The following SVIL variants were observed in gnomAD, a reference collection of about 807,000 sequenced individuals.
SVIL encodes archvillin.
Under a neutral mutation model 240.4 loss-of-function variants are expected in SVIL, and 101 were observed. The observed-to-expected ratio is 0.42, with a 90% confidence interval of 0.36 to 0.50. The LOEUF (loss-of-function observed/expected upper bound fraction) is 0.50. Among genes scored for constraint, SVIL ranks in the 20% least tolerant of loss-of-function variants. The pLI, the probability that SVIL is intolerant of heterozygous loss-of-function variation, is 0.01. For missense variants in SVIL, 2,512 were observed against 2,818.7 expected (o/e 0.89, Z 2.46); for synonymous variants, 999 against 1,100.0 (o/e 0.91, Z 1.82).
At chr10:29,720,916 G>A (rs1056955927) in intron 1 of SVIL, among the ~76,000 whole-genome samples, 11 of 152,216 alleles carry the variant, frequency 7.2e-5, no homozygotes, top group Admixed American at 1.3e-4. Context: ...GTGTGATCTC[G>A]TCTCACTGCA....
intron 3 of SVIL, among the ~76,000 whole-genome samples, chr10:29,654,956 A>T (rs999610729): frequency 1.3e-5 from 2 of 152,124 alleles, no homozygotes; most frequent in African/African-American, 4.8e-5. Flanking sequence ...TTGGACAGTG[A>T]TCACCCACAT....
At chr10:29,533,489 A>C in intron 7 of SVIL, 31 bp from the exon 8 acceptor site, 1 of 1,588,842 alleles carries the variant, frequency 6.3e-7, no homozygotes, top group East Asian at 2.2e-5. Context: ...TTAAGTTGCA[A>C]AGTGCAGTAA....
intron 22 of SVIL, among the ~76,000 whole-genome samples, chr10:29,490,303 A>G (rs1404447804): frequency 6.6e-6 from 1 of 152,224 alleles, no homozygotes; most frequent in Non-Finnish European, 1.5e-5. Context: ...ATAAGAGATC[A>G]AATAACTCTT....
intron 1 of SVIL, among the ~76,000 whole-genome samples, chr10:29,585,086 CTTT>C (rs111923900): frequency 2.7e-5 from 4 of 145,482 alleles, no homozygotes; most frequent in Non-Finnish European, 3.0e-5. Context: ...ATTCTTCTTC[CTTT>C]TTTTTTTTTT....
At position 29,467,947 on chromosome 10, in the gene SVIL, T is replaced by G. The variant is rs555871162; in HGVS notation, c.5844-72A>C. Reference sequence around the variant, plus strand: ...TGGTGACCCAAAATTATTATTACTATTATGATAACAGCTTTATAATAGCTT... The same window carrying G: ...TGGTGACCCAAAATTATTATTACTAGTATGATAACAGCTTTATAATAGCTT... On this transcript the variant is annotated intron_variant, in intron 32 of 37. Transcript: ENST00000355867. The G allele has an allele frequency of 7.4e-6, 11 of 1,496,472 alleles. No homozygotes were observed. The East Asian group carries it at 1.8e-4, about 25-fold the overall frequency. The allele number at this position is 1,496,472 out of a possible 1,614,324, so 92.7% of individuals were successfully genotyped here.
chr10:29,576,579 C>T (rs1476566046), intron 1 of SVIL, among the ~76,000 whole-genome samples: 6 of 152,166 alleles, frequency 3.9e-5, no homozygotes, highest in Admixed American at 2.6e-4. Context: ...ATATCTTTTT[C>T]TGTCACCCAG....
intron 1 of SVIL, among the ~76,000 whole-genome samples, chr10:29,629,283 A>C (rs1030069823): frequency 6.6e-6 from 1 of 150,842 alleles, no homozygotes; most frequent in Admixed American, 6.6e-5. Context: ...GCCTTGAAAG[A>C]CTCCTTCTCC....
chr10:29,584,988 A>C (rs2132777514), intron 1 of SVIL, among the ~76,000 whole-genome samples: 1 of 152,204 alleles, frequency 6.6e-6, no homozygotes, highest in East Asian at 1.9e-4. Context: ...TGAAGCCTCG[A>C]CTTCGGGTTT....
intron 1 of SVIL, among the ~76,000 whole-genome samples, chr10:29,587,393 G>T (rs1956214024): frequency 6.6e-6 from 1 of 152,250 alleles, no homozygotes; most frequent in African/African-American, 2.4e-5. Flanking sequence ...CAATCTGCAG[G>T]TTGACGGGTG....
chr10:29,549,040 T>A (rs1952961156), intron 6 of SVIL, among the ~76,000 whole-genome samples: 1 of 151,514 alleles, frequency 6.6e-6, no homozygotes, highest in Non-Finnish European at 1.5e-5. Flanking sequence ...CTAAAGAGCT[T>A]CTGCACAGCA....
chr10:29,550,623 T>C lies in SVIL; in HGVS notation c.801A>G (p.Pro267=), dbSNP rs1953225412. 2 of 1,612,844 alleles carry C rather than the reference T, an allele frequency of 1.2e-6. No homozygotes were observed. Among genetic ancestry groups the C allele is most frequent in the Non-Finnish European group, 1.7e-6 (2 of 1,179,488 alleles). The change falls in exon 6 of 38, where the codon CCA becomes CCG. Residue 267 remains proline (P), a synonymous_variant. Coordinates refer to ENST00000355867, the MANE Select transcript of SVIL (RefSeq NM_021738.3). ...AASRSPSFGD[P]QLSPEARPST... ...TGGGTCGGGCCTCAGGGGATAGCTG[T>C]GGGTCACCAAAGGAGGGGCTCCGGG... is the stretch of plus-strand genomic sequence containing the variant.
At chr10:29,473,269 G>A (rs1945796020) in intron 30 of SVIL, among the ~76,000 whole-genome samples, 1 of 152,182 alleles carries the variant, frequency 6.6e-6, no homozygotes, top group South Asian at 2.1e-4. Context: ...AACCACTCAG[G>A]CTGCCACGAA....
At chr10:29,677,604 A>C (rs1039799567) in intron 2 of SVIL, among the ~76,000 whole-genome samples, 17 of 152,044 alleles carry the variant, frequency 1.1e-4, no homozygotes, top group Non-Finnish European at 2.4e-4. Context: ...TTATTTTTTT[A>C]TAGAAACAGG....
chr10:29,549,498 T>C (rs1336333320), intron 6 of SVIL, among the ~76,000 whole-genome samples: 1 of 131,600 alleles, frequency 7.6e-6, no homozygotes, highest in Non-Finnish European at 1.7e-5. Flanking sequence ...GAAATACCAT[T>C]TGACCCAGCC....
chr10:29,656,508 T>C (rs767727309), intron 3 of SVIL, among the ~76,000 whole-genome samples: 16 of 152,200 alleles, frequency 1.1e-4, no homozygotes, highest in Middle Eastern at 6.8e-3. Flanking sequence ...AACTTTCTGG[T>C]CTTAACATTT....
chr10:29,530,567 C>A, intron 11 of SVIL, 40 bp downstream of exon 11: 1 of 1,611,934 alleles, frequency 6.2e-7, no homozygotes. Context: ...ATTACTGCAC[C>A]CAGTAGGGAT....
At position 29,569,306 on chromosome 10, in the gene SVIL, T is replaced by C. The variant is rs1955259625; in HGVS notation, c.-194A>G. 2 of 985,500 alleles carry C rather than the reference T, an allele frequency of 2.0e-6. No homozygotes were observed. Among genetic ancestry groups the C allele is most frequent in the African/African-American group, 1.7e-5 (1 of 57,224 alleles). 61.0% of individuals were successfully genotyped at this position (985,500 alleles called of 1,614,324 possible). On this transcript the variant is annotated 5_prime_UTR_variant, in exon 2 of 38. Transcript: ENST00000355867. ...TCCAAGGAAGCTTAAGTTTTTCTTG[T>C]TGAAATCTAAGGGAAAAGAAATAAT...
intron 29 of SVIL, among the ~76,000 whole-genome samples, chr10:29,474,795 G>C (rs1254553832): frequency 6.6e-6 from 1 of 152,124 alleles, no homozygotes; most frequent in Non-Finnish European, 1.5e-5. Context: ...AGGAAAAAAT[G>C]CAGGCTGTTA....
Position 29,533,232 on chromosome 10 carries a change from G to A in SVIL, c.1135C>T (p.Leu379=), listed in dbSNP as rs1951506192. The A allele has an allele frequency of 6.2e-7, 1 of 1,614,042 alleles. No individual in the cohort carries two copies. Among genetic ancestry groups the A allele is most frequent in the South Asian group, 1.1e-5 (1 of 91,080 alleles). ...QPADTGHTAK[L]VTPETPENAS... ...TTTTCTGGGGTTTCTGGCGTCACTA[G>A]CTTGGCGGTGTGACCGGTATCTGCG... is the stretch of plus-strand genomic sequence containing the variant. Residue 379 remains leucine, a synonymous_variant, in exon 8 of 38, where the codon CTA becomes TTA. Transcript: ENST00000355867.
Sources: allele counts gnomAD v4.1 joint callset (sites outside exome capture counted in the v4.1 genomes callset), GRCh38; gene constraint gnomAD v4.1.1; transcripts MANE v1.5; gene names NCBI Gene and HGNC (gene_info 2026-07-23, HGNC 2026-07-21).